The following PRKG1 variants were observed in gnomAD, a reference collection of about 807,000 sequenced individuals.
The protein encoded by PRKG1 is protein kinase cGMP-dependent 1, also known as cGMP-dependent protein kinase 1.
PRKG1 carries 35 observed loss-of-function variants against 88.1 expected under a neutral mutation model. That is an observed-to-expected ratio of 0.40 (90% CI 0.30 to 0.53). PRKG1 has a LOEUF of 0.53. Ranked by LOEUF, PRKG1 falls within the 20% of genes least tolerant of loss-of-function variation. The pLI, the probability that PRKG1 is intolerant of heterozygous loss-of-function variation, is 0.59. For synonymous variants in PRKG1, 303 were observed against 292.5 expected, an observed-to-expected ratio of 1.04 and a Z score of -0.37; for missense variants, 540 against 839.8, an observed-to-expected ratio of 0.64 and a Z score of 4.41.
At chr10:51,645,921 A>T (rs10998676) in intron 3 of PRKG1, among the ~76,000 whole-genome samples, 3,083 of 152,280 alleles carry the variant, frequency 0.02, 46 homozygotes, top group South Asian at 0.028. Flanking sequence ...TAGAAAAATT[A>T]AAAAAATTAA....
intron 3 of PRKG1, among the ~76,000 whole-genome samples, chr10:51,575,995 CATATT>C (rs1022990740): frequency 6.6e-6 from 1 of 151,806 alleles, no homozygotes; most frequent in African/African-American, 2.4e-5. Context: ...AAAATACAAA[CATATT>C]ATAACAATTA....
chr10:52,267,041 A>AATCATC lies in PRKG1; in HGVS notation c.1174-4281_1174-4276dup, dbSNP rs71857599. Among the ~76,000 whole-genome samples, 66 of 150,766 alleles carry AATCATC rather than the reference A, an allele frequency of 4.4e-4. 1 individual carries two copies. In the East Asian group the frequency reaches 9.1e-3, roughly 21 times the overall value. On this transcript the variant is annotated intron_variant, in intron 10 of 17. Transcript: ENST00000373980. ...CATAGCTCTAACCAACTTGCTAAAAAATCATCATCATCATCATCATCATCA... is the reference window on the plus strand; with the variant it reads ...CATAGCTCTAACCAACTTGCTAAAAAATCATCATCATCATCATCATCATCATCATCA...
chr10:52,274,815 C>T (rs923223795), intron 12 of PRKG1, among the ~76,000 whole-genome samples: 3 of 151,982 alleles, frequency 2.0e-5, no homozygotes, highest in African/African-American at 7.2e-5. Flanking sequence ...AGAAGTGTTC[C>T]CTGTTCACTC....
chr10:51,974,771 C>G (rs1203457668), intron 5 of PRKG1, among the ~76,000 whole-genome samples: 2 of 152,088 alleles, frequency 1.3e-5, no homozygotes, highest in East Asian at 3.9e-4. Context: ...TGGCTTGTAT[C>G]TCTTATGACA....
chr10:51,502,363 G>A (rs553266039), intron 3 of PRKG1, among the ~76,000 whole-genome samples: 27 of 152,248 alleles, frequency 1.8e-4, no homozygotes, highest in Non-Finnish European at 4.0e-4. Context: ...TTCATCAAGT[G>A]CCAGCTCTGA....
At chr10:51,731,367 T>C (rs537575186) in intron 3 of PRKG1, among the ~76,000 whole-genome samples, 1 of 152,094 alleles carries the variant, frequency 6.6e-6, no homozygotes, top group East Asian at 1.9e-4. Flanking sequence ...TTCTTAAATT[T>C]AAAAAAAATG....
chr10:51,327,989 TTATATC>T (rs1160015861), intron 2 of PRKG1, among the ~76,000 whole-genome samples: 3 of 152,118 alleles, frequency 2.0e-5, no homozygotes, highest in Admixed American at 6.5e-5. Context: ...TGAGAACACT[TTATATC>T]TATTAGCATT....
intron 1 of PRKG1, among the ~76,000 whole-genome samples, chr10:51,001,011 A>G (rs1564566929): frequency 6.6e-6 from 1 of 152,152 alleles, no homozygotes; most frequent in Non-Finnish European, 1.5e-5. Context: ...TTAGATGGAG[A>G]TGGTGGTTTT....
intron 4 of PRKG1, among the ~76,000 whole-genome samples, chr10:51,808,388 G>A (rs955088061): frequency 8.5e-5 from 13 of 152,188 alleles, no homozygotes; most frequent in African/African-American, 2.6e-4. Flanking sequence ...TTTGAGCTCA[G>A]GAGTTTGAAA....
At chr10:51,575,019 G>A (rs1171724195) in intron 3 of PRKG1, among the ~76,000 whole-genome samples, 1 of 151,888 alleles carries the variant, frequency 6.6e-6, no homozygotes, top group East Asian at 1.9e-4. Flanking sequence ...CATGGAATTG[G>A]TTGTACTTTG....
intron 2 of PRKG1, among the ~76,000 whole-genome samples, chr10:51,338,315 C>A (rs1841925490): frequency 6.6e-6 from 1 of 152,060 alleles, no homozygotes; most frequent in African/African-American, 2.4e-5. Flanking sequence ...TGCCTTAATA[C>A]CTAGGTGATG....
chr10:51,336,983 A>T (rs1357706264), intron 2 of PRKG1, among the ~76,000 whole-genome samples: 15 of 152,238 alleles, frequency 9.9e-5, no homozygotes, highest in Admixed American at 9.8e-4. Flanking sequence ...TCAAAGCTGG[A>T]AGTATTATAC....
intron 1 of PRKG1, among the ~76,000 whole-genome samples, chr10:51,093,190 G>T (rs1346631289): frequency 6.6e-6 from 1 of 152,134 alleles, no homozygotes; most frequent in Non-Finnish European, 1.5e-5. Flanking sequence ...TGTTAGAAAT[G>T]CAGATTCTGA....
intron 3 of PRKG1, among the ~76,000 whole-genome samples, chr10:51,665,678 ATT>A (rs376357686): frequency 1.4e-5 from 2 of 147,976 alleles, no homozygotes; most frequent in East Asian, 2.0e-4. Context: ...TTTTATTTTT[ATT>A]TTTTTTTTGT....
chr10:51,319,351 C>T lies in PRKG1; in HGVS notation c.479-148372C>T, dbSNP rs187049849. Among the ~76,000 whole-genome samples, 4 of 151,890 alleles carry T rather than the reference C, an allele frequency of 2.6e-5. No homozygotes were observed. The South Asian group carries it at 6.2e-4, about 24-fold the overall frequency. On this transcript the variant is annotated intron_variant, in intron 2 of 17. Coordinates refer to ENST00000373980, the MANE Select transcript of PRKG1 (RefSeq NM_006258.4). ...ACATATTTGAACTATTTTATAGATC[C>T]CTAGAAGAAAGGAACCAAGAACATA...
chr10:51,367,062 A>C (rs1842605356), intron 2 of PRKG1, among the ~76,000 whole-genome samples: 1 of 151,930 alleles, frequency 6.6e-6, no homozygotes, highest in African/African-American at 2.4e-5. Context: ...AAAACCAGTG[A>C]GGGATTACCC....
At chr10:51,804,752 A>T (rs1429905987) in intron 4 of PRKG1, 62 bp downstream of exon 4, 1 of 1,169,378 alleles carries the variant, frequency 8.6e-7, no homozygotes, top group Non-Finnish European at 1.3e-6. Context: ...ATTATCTGAA[A>T]TGCAGCACCC....
chr10:51,850,489 TTA>T (rs141736837), intron 4 of PRKG1, among the ~76,000 whole-genome samples: 22 of 143,526 alleles, frequency 1.5e-4, no homozygotes, highest in Non-Finnish European at 1.3e-4. Context: ...TGTTGCAATT[TTA>T]TATATATATA....
intron 5 of PRKG1, among the ~76,000 whole-genome samples, chr10:51,933,843 A>G (rs1345568837): frequency 6.6e-6 from 1 of 152,180 alleles, no homozygotes; most frequent in Non-Finnish European, 1.5e-5. Context: ...TACAGCAGTA[A>G]GAAAATATGT....
Sources: allele counts gnomAD v4.1 joint callset (sites outside exome capture counted in the v4.1 genomes callset), GRCh38; gene constraint gnomAD v4.1.1; transcripts MANE v1.5; gene names NCBI Gene and HGNC (gene_info 2026-07-23, HGNC 2026-07-21).